CDH13: variants seen among roughly 807,000 people sequenced by gnomAD.
The protein encoded by CDH13 is cadherin 13.
Under a neutral mutation model 63.8 loss-of-function variants are expected in CDH13, and 24 were observed. The ratio of observed to expected loss-of-function variants is 0.38; its 90% confidence interval spans 0.27 to 0.53. CDH13 has a LOEUF of 0.53. Ranked by LOEUF, CDH13 falls within the 20% of genes least tolerant of loss-of-function variation. The pLI is 0.85. For missense variants in CDH13, 1,049 were observed against 903.1 expected (o/e 1.16, Z -2.07); for synonymous variants, 503 against 355.3 (o/e 1.42, Z -4.67).
chr16:82,732,815 C>T (rs1437522061), intron 1 of CDH13, among the ~76,000 whole-genome samples: 1 of 151,866 alleles, frequency 6.6e-6, no homozygotes, highest in African/African-American at 2.4e-5. Flanking sequence ...TTTCTGGTTT[C>T]ATCAAGAGTT....
intron 6 of CDH13, among the ~76,000 whole-genome samples, chr16:83,435,601 C>G (rs769284089): frequency 1.4e-4 from 22 of 152,156 alleles, no homozygotes; most frequent in Admixed American, 5.2e-4. Flanking sequence ...TCTCCCTGAT[C>G]TCAGGGTCTT....
intron 6 of CDH13, among the ~76,000 whole-genome samples, chr16:83,398,927 G>C (rs934404113): frequency 2.6e-5 from 4 of 152,180 alleles, no homozygotes; most frequent in Admixed American, 6.5e-5. Flanking sequence ...AAAAATGTTG[G>C]AAGCAATTTG....
intron 7 of CDH13, among the ~76,000 whole-genome samples, chr16:83,546,641 C>T (rs1437597706): frequency 6.6e-6 from 1 of 152,144 alleles, no homozygotes; most frequent in Non-Finnish European, 1.5e-5. Context: ...AAATTCACCT[C>T]CTATTCTGGG....
intron 8 of CDH13, among the ~76,000 whole-genome samples, chr16:83,609,732 C>T (rs575824815): frequency 6.6e-6 from 1 of 152,218 alleles, no homozygotes; most frequent in African/African-American, 2.4e-5. Flanking sequence ...ATATAACTCA[C>T]ATGCCATAAA....
intron 5 of CDH13, among the ~76,000 whole-genome samples, chr16:83,230,332 G>A (rs1182057039): frequency 1.3e-5 from 2 of 152,070 alleles, no homozygotes; most frequent in African/African-American, 2.4e-5. Context: ...GTGTTAACCC[G>A]GGAAAGCAGG....
chr16:82,764,406 A>G (rs2034971713), intron 1 of CDH13, among the ~76,000 whole-genome samples: 1 of 152,220 alleles, frequency 6.6e-6, no homozygotes, highest in South Asian at 2.1e-4. Context: ...TCTTAGTGAA[A>G]TAAAACTAGA....
intron 1 of CDH13, among the ~76,000 whole-genome samples, chr16:82,831,977 C>G (rs990896592): frequency 1.3e-5 from 2 of 152,168 alleles, no homozygotes; most frequent in African/African-American, 4.8e-5. Context: ...AATATGATAG[C>G]TGTAAAAGAG....
At chr16:82,879,768 G>T (rs2040628259) in intron 2 of CDH13, among the ~76,000 whole-genome samples, 1 of 135,428 alleles carries the variant, frequency 7.4e-6, no homozygotes, top group Admixed American at 7.7e-5. Flanking sequence ...ATATTTACAT[G>T]ATATATAATA....
At chr16:82,997,489 A>G (rs1405008720) in intron 2 of CDH13, among the ~76,000 whole-genome samples, 1 of 152,218 alleles carries the variant, frequency 6.6e-6, no homozygotes, top group Non-Finnish European at 1.5e-5. Context: ...GCAAAAATCC[A>G]TGGTAAACAA....
At chr16:83,703,548 A>G (rs1409000116) in intron 10 of CDH13, among the ~76,000 whole-genome samples, 2 of 152,344 alleles carry the variant, frequency 1.3e-5, no homozygotes, top group Non-Finnish European at 2.9e-5. Context: ...TTCCAATTAT[A>G]CAAATCACAC....
At chr16:83,773,426 A>G (rs1914887737) in intron 11 of CDH13, among the ~76,000 whole-genome samples, 2 of 152,162 alleles carry the variant, frequency 1.3e-5, no homozygotes, top group Non-Finnish European at 2.9e-5. Context: ...GTGGAAGGCA[A>G]ATGGGAAGCA....
intron 6 of CDH13, among the ~76,000 whole-genome samples, chr16:83,430,401 A>T (rs2072061087): frequency 6.6e-6 from 1 of 152,210 alleles, no homozygotes. Flanking sequence ...ATAAATGAAA[A>T]ACCTGATTTC....
intron 1 of CDH13, among the ~76,000 whole-genome samples, chr16:82,841,585 A>T (rs1567589733): frequency 2.0e-5 from 3 of 152,294 alleles, no homozygotes; most frequent in African/African-American, 4.8e-5. Context: ...ATTTTCTCTT[A>T]CTATAAAACC....
In CDH13 at chr16:83,795,356, C is replaced by T. The variant is rs1904276320; in HGVS notation, c.*326C>T. On this transcript the variant is annotated 3_prime_UTR_variant, in exon 14 of 14. Transcript: ENST00000567109. ...ATGTCGCTAGCCAGTGCTCCAGGCA[C>T]CCAGCTTTGTCTGTGGGTTAGTATT... 2.9e-6 allele frequency: 1 copy of T among 341,694 alleles called. No individual in the cohort carries two copies. Among genetic ancestry groups the T allele is most frequent in the African/African-American group, 2.1e-5 (1 of 47,506 alleles). The allele number at this position is 341,694 out of a possible 1,614,324, so 21.2% of individuals were successfully genotyped here. A position where few individuals can be genotyped will look rare whatever the true frequency, so the allele number is the denominator to read the frequency against.
chr16:83,445,761 C>G (rs984823505), intron 6 of CDH13, among the ~76,000 whole-genome samples: 1 of 152,126 alleles, frequency 6.6e-6, no homozygotes, highest in Non-Finnish European at 1.5e-5. Flanking sequence ...TGATAAGCAT[C>G]TAAAACTTGT....
At chr16:83,602,110 A>AAAAAAAAAAAAAAAAAAAAAAAAAAAAC (rs1907882195) in intron 7 of CDH13, among the ~76,000 whole-genome samples, 1 of 26,292 alleles carries the variant, frequency 3.8e-5, no homozygotes, top group Non-Finnish European at 6.7e-5. Context: ...ACAACAACAA[A>AAAAAAAAAAAAAAAAAAAAAAAAAAAAC]AAAAAAAAAA....
chr16:83,337,544 T>G (rs1213836471), intron 5 of CDH13, among the ~76,000 whole-genome samples: 2 of 150,842 alleles, frequency 1.3e-5, no homozygotes, highest in Non-Finnish European at 3.0e-5. Context: ...TTTAAACAAA[T>G]TAGAGGTGAT....
intron 2 of CDH13, among the ~76,000 whole-genome samples, chr16:82,937,438 G>A (rs865992939): frequency 1.4e-5 from 2 of 146,858 alleles, no homozygotes; most frequent in Non-Finnish European, 3.0e-5. Context: ...CACACACACA[G>A]ACACACACAC....
intron 6 of CDH13, among the ~76,000 whole-genome samples, chr16:83,402,448 C>G (rs771897209): frequency 3.9e-5 from 6 of 152,230 alleles, no homozygotes; most frequent in Non-Finnish European, 8.8e-5. Context: ...CTGAGCCAGA[C>G]TGCATTTACC....
Sources: gnomAD v4.1 joint callset for allele counts (sites outside exome capture counted in the v4.1 genomes callset) on GRCh38, gnomAD v4.1.1 for gene constraint, MANE v1.5 for transcripts, NCBI Gene and HGNC (gene_info 2026-07-23, HGNC 2026-07-21) for gene names.